The following RBFOX1 variants were observed in gnomAD, a reference collection of about 807,000 sequenced individuals.
RBFOX1 encodes RNA binding protein fox-1 homolog 1.
Under a neutral mutation model 57.7 loss-of-function variants are expected in RBFOX1, and 8 were observed. That is an observed-to-expected ratio of 0.14 (90% confidence interval 0.08 to 0.25). The LOEUF is 0.25. Among genes scored for constraint, RBFOX1 ranks in the 10% least tolerant of loss-of-function variants. The pLI, the probability that RBFOX1 is intolerant of heterozygous loss-of-function variation, is 1.00. For synonymous variants in RBFOX1, 326 were observed against 222.4 expected (o/e 1.47, Z -4.15); for missense variants, 611 against 548.5 (o/e 1.11, Z -1.14).
At chr16:7,009,269 T>C (rs1054967787) in intron 3 of RBFOX1, among the ~76,000 whole-genome samples, 6 of 142,152 alleles carry the variant, frequency 4.2e-5, no homozygotes, top group Non-Finnish European at 1.5e-5. Flanking sequence ...CTCCTTCCTC[T>C]TCTTCTCTCT....
intron 3 of RBFOX1, among the ~76,000 whole-genome samples, chr16:6,956,557 G>T (rs115255136): frequency 6.6e-6 from 1 of 152,194 alleles, no homozygotes; most frequent in Non-Finnish European, 1.5e-5. Context: ...AGTGGGGGCA[G>T]TTGTACCTCT....
intron 1 of RBFOX1, among the ~76,000 whole-genome samples, chr16:6,266,872 C>T (rs867521150): frequency 3.9e-5 from 6 of 152,150 alleles, no homozygotes; most frequent in African/African-American, 1.4e-4. Context: ...GTATGACATT[C>T]AGTTCTGTGC....
At position 5,481,505 on chromosome 16, in the gene RBFOX1, G is replaced by C. The variant is rs113226363; in HGVS notation, c.258+14251G>C. Among the ~76,000 whole-genome samples the C allele has an allele frequency of 6.8e-3, 1,035 of 152,268 alleles. 10 individuals are homozygous for C. The highest frequency in any genetic ancestry group is 0.023 in the African/African-American group (946 of 41,550). On this transcript the variant is annotated intron_variant, in intron 2 of 2. Transcript: ENST00000585867. ...ATTTTTGGTTTTCTTGTTACTACTT[G>C]TCTGTATTTTTGAGAAATGAAATGA...
At chr16:6,417,819 C>G (rs1306290661) in intron 2 of RBFOX1, among the ~76,000 whole-genome samples, 1 of 150,538 alleles carries the variant, frequency 6.6e-6, no homozygotes, top group East Asian at 1.9e-4. Flanking sequence ...AGATATTAAT[C>G]CTAGTATCCG....
intron 1 of RBFOX1, among the ~76,000 whole-genome samples, chr16:5,419,466 C>G (rs1275440431): frequency 2.6e-5 from 4 of 151,980 alleles, no homozygotes; most frequent in Non-Finnish European, 5.9e-5. Flanking sequence ...GGTGCCCACC[C>G]AGATTGAGGG....
intron 2 of RBFOX1, among the ~76,000 whole-genome samples, chr16:5,516,104 A>G (rs1416703341): frequency 6.6e-6 from 1 of 152,176 alleles, no homozygotes; most frequent in African/African-American, 2.4e-5. Context: ...AGCAAAGAGC[A>G]TTGATTAAGC....
At chr16:7,152,015 C>G (rs4359462) in intron 4 of RBFOX1, among the ~76,000 whole-genome samples, 1 of 151,934 alleles carries the variant, frequency 6.6e-6, no homozygotes, top group Non-Finnish European at 1.5e-5. Flanking sequence ...TGGACTGGTA[C>G]TAGGCCATCG....
At chr16:6,538,982 A>G (rs1055330912) in intron 2 of RBFOX1, among the ~76,000 whole-genome samples, 1 of 152,164 alleles carries the variant, frequency 6.6e-6, no homozygotes, top group Non-Finnish European at 1.5e-5. Flanking sequence ...TTTTACCTCC[A>G]GGTACTGTGT....
intron 1 of RBFOX1, among the ~76,000 whole-genome samples, chr16:6,286,085 G>A (rs755153262): frequency 2.8e-4 from 42 of 152,038 alleles, no homozygotes; most frequent in Admixed American, 1.1e-3. Context: ...GTTCACGTAT[G>A]GCCCTCTTTC....
intron 3 of RBFOX1, among the ~76,000 whole-genome samples, chr16:6,957,564 A>G (rs1156561975): frequency 6.6e-6 from 1 of 152,060 alleles, no homozygotes; most frequent in East Asian, 1.9e-4. Flanking sequence ...GACTCTCATC[A>G]CCATCTTGGT....
chr16:7,395,043 C>T (rs1248997457), intron 4 of RBFOX1, among the ~76,000 whole-genome samples: 1 of 152,126 alleles, frequency 6.6e-6, no homozygotes, highest in East Asian at 1.9e-4. Flanking sequence ...AATAAGTTTG[C>T]CGCAGACTAG....
rs374562604 is a variant in RBFOX1 at position 6,883,735 on chromosome 16, A to G, written c.-15-168322A>G. On this transcript the variant is annotated intron_variant, in intron 3 of 15. Transcript: ENST00000550418. ...TAGTTTCTAAGAATGATAGAGTCCA[A>G]AAGTTTTCTACAGTTCTTATAGATG... Among the ~76,000 whole-genome samples the G allele has an allele frequency of 7.2e-5, 11 of 152,294 alleles. 1 individual carries two copies. The highest frequency in any genetic ancestry group is 2.6e-4 in the African/African-American group (11 of 41,580).
chr16:5,681,703 T>G (rs11643348), intron 3 of RBFOX1, among the ~76,000 whole-genome samples: 107,878 of 151,942 alleles, frequency 0.71, 39,278 homozygotes, highest in Non-Finnish European at 0.78. Context: ...GGTAAGATTT[T>G]ATCTGAGACC....
intron 1 of RBFOX1, among the ~76,000 whole-genome samples, chr16:6,218,654 T>C (rs1282983704): frequency 6.6e-6 from 1 of 152,168 alleles, no homozygotes; most frequent in Non-Finnish European, 1.5e-5. Context: ...AAGCCCAGCT[T>C]TTGCTTCACC....
At chr16:5,355,319 G>T (rs1018459647) in intron 1 of RBFOX1, among the ~76,000 whole-genome samples, 2 of 152,186 alleles carry the variant, frequency 1.3e-5, no homozygotes, top group Non-Finnish European at 2.9e-5. Flanking sequence ...AGGACGCAGG[G>T]ACTATGGGCC....
rs113774950 is a variant in RBFOX1 at position 6,856,392 on chromosome 16, G to A, written c.-15-195665G>A. 5.3e-5 allele frequency among the ~76,000 whole-genome samples: 8 copies of A among 152,256 alleles called. 1 individual carries two copies. The highest frequency in any genetic ancestry group is 1.7e-4 in the African/African-American group (7 of 41,556). On this transcript the variant is annotated intron_variant, in intron 3 of 15. Transcript: ENST00000550418. ...TAGACTATGTCTCCTTGGAGTCCCT[G>A]TTTGAGGCTAGGATTTAGGTGAGCA...
At chr16:6,160,156 A>AT (rs1234186224) in intron 1 of RBFOX1, among the ~76,000 whole-genome samples, 3 of 152,126 alleles carry the variant, frequency 2.0e-5, no homozygotes, top group Non-Finnish European at 4.4e-5. Flanking sequence ...CTGCAGGAAT[A>AT]TTTTTTCCTA....
intron 3 of RBFOX1, among the ~76,000 whole-genome samples, chr16:6,839,479 A>C (rs984481344): frequency 6.6e-6 from 1 of 152,192 alleles, no homozygotes; most frequent in Non-Finnish European, 1.5e-5. Context: ...CTCTGGGCAC[A>C]AATAGGTTTC....
chr16:6,263,731 T>G (rs1252109874), intron 1 of RBFOX1, among the ~76,000 whole-genome samples: 2 of 152,196 alleles, frequency 1.3e-5, no homozygotes, highest in African/African-American at 4.8e-5. Flanking sequence ...TTTGTAAATT[T>G]GTCATTATCT....
Sources: allele counts gnomAD v4.1 joint callset (sites outside exome capture counted in the v4.1 genomes callset), GRCh38; gene constraint gnomAD v4.1.1; transcripts MANE v1.5; gene names NCBI Gene and HGNC (gene_info 2026-07-23, HGNC 2026-07-21).